HCN1: variants seen among roughly 807,000 people sequenced by gnomAD.
HCN1 encodes hyperpolarization activated cyclic nucleotide gated potassium channel 1.
In HCN1, 13 loss-of-function variants were observed where a neutral mutation model predicts 78.9. That is an observed-to-expected ratio of 0.16 (90% CI 0.11 to 0.26). The LOEUF (loss-of-function observed/expected upper bound fraction) is 0.26, where lower values mean the gene tolerates loss of function less well. HCN1 is among the 10% of genes least tolerant of loss of function. The pLI, the probability that HCN1 is intolerant of heterozygous loss-of-function variation, is 1.00. For synonymous variants in HCN1, 552 were observed against 455.5 expected (o/e 1.21, Z -2.70); for missense variants, 810 against 1,154.3 (o/e 0.70, Z 4.32).
chr5:45,485,134 G>A (rs1258890082), intron 2 of HCN1, among the ~76,000 whole-genome samples: 1 of 152,156 alleles, frequency 6.6e-6, no homozygotes, highest in East Asian at 1.9e-4. Flanking sequence ...ATTTGCTAAT[G>A]GGGGCGGAAA....
intron 3 of HCN1, among the ~76,000 whole-genome samples, chr5:45,433,708 T>A (rs1163851410): frequency 6.6e-6 from 1 of 152,180 alleles, no homozygotes; most frequent in Non-Finnish European, 1.5e-5. Flanking sequence ...AATATGCAAT[T>A]TTTATGTGTT....
At chr5:45,504,913 T>G (rs946758553) in intron 2 of HCN1, among the ~76,000 whole-genome samples, 3 of 152,236 alleles carry the variant, frequency 2.0e-5, no homozygotes, top group African/African-American at 7.2e-5. Flanking sequence ...GAGAAGTGTC[T>G]GTTCATATCC....
chr5:45,572,473 A>C (rs1326927907), intron 2 of HCN1, among the ~76,000 whole-genome samples: 1 of 152,184 alleles, frequency 6.6e-6, no homozygotes, highest in Non-Finnish European at 1.5e-5. Flanking sequence ...GGATTCACAC[A>C]CTTGGAAAAT....
intron 2 of HCN1, among the ~76,000 whole-genome samples, chr5:45,572,255 A>G (rs1561205626): frequency 6.6e-6 from 1 of 152,328 alleles, no homozygotes; most frequent in East Asian, 1.9e-4. Flanking sequence ...AACCCTGAGG[A>G]ATGAAATATC....
chr5:45,434,803 T>C (rs1010851562), intron 3 of HCN1, among the ~76,000 whole-genome samples: 3 of 152,144 alleles, frequency 2.0e-5, no homozygotes, highest in African/African-American at 7.2e-5. Context: ...CATCATTGGG[T>C]CTTTTAAAAC....
intron 6 of HCN1, among the ~76,000 whole-genome samples, chr5:45,302,277 A>AAGTGGT (rs3028859): frequency 6.6e-6 from 1 of 151,226 alleles, no homozygotes; most frequent in Non-Finnish European, 1.5e-5. Context: ...CTGATGGTTT[A>AAGTGGT]AGTTTCCCCT....
intron 5 of HCN1, among the ~76,000 whole-genome samples, chr5:45,352,091 G>C (rs547311296): frequency 6.6e-6 from 1 of 152,116 alleles, no homozygotes; most frequent in African/African-American, 2.4e-5. Flanking sequence ...GTTTATTGCG[G>C]CACTATTCCC....
chr5:45,363,738 T>C (rs998983570), intron 4 of HCN1, among the ~76,000 whole-genome samples: 5 of 152,048 alleles, frequency 3.3e-5, no homozygotes, highest in African/African-American at 1.2e-4. Context: ...TTACGAGATC[T>C]GACGGGTTTA....
intron 1 of HCN1, among the ~76,000 whole-genome samples, chr5:45,659,241 G>A (rs1285620578): frequency 1.4e-5 from 2 of 140,548 alleles, no homozygotes; most frequent in Non-Finnish European, 3.1e-5. Context: ...GCAGCTGAGG[G>A]TCCTGTCTGT....
chr5:45,381,549 TCAC>T (rs1351241462), intron 4 of HCN1, among the ~76,000 whole-genome samples: 1 of 152,154 alleles, frequency 6.6e-6, no homozygotes, highest in Non-Finnish European at 1.5e-5. Flanking sequence ...CCCTTACTCC[TCAC>T]ATGGTCAGCT....
intron 3 of HCN1, among the ~76,000 whole-genome samples, chr5:45,429,814 T>C (rs769316407): frequency 6.6e-6 from 1 of 152,088 alleles, no homozygotes; most frequent in Non-Finnish European, 1.5e-5. Context: ...GAAGTAGTAG[T>C]GGACACACTG....
intron 2 of HCN1, among the ~76,000 whole-genome samples, chr5:45,603,801 T>C (rs1405614654): frequency 6.6e-6 from 1 of 152,116 alleles, no homozygotes; most frequent in African/African-American, 2.4e-5. Context: ...ACTAATTGTA[T>C]GATAAAATTT....
chr5:45,310,041 A>T (rs1745819898), intron 5 of HCN1, among the ~76,000 whole-genome samples: 1 of 151,660 alleles, frequency 6.6e-6, no homozygotes, highest in Non-Finnish European at 1.5e-5. Flanking sequence ...CTCAAGACTA[A>T]ATGTAAAACC....
chr5:45,607,555 A>G (rs550447496), intron 2 of HCN1, among the ~76,000 whole-genome samples: 351 of 149,524 alleles, frequency 2.3e-3, no homozygotes, highest in African/African-American at 8.1e-3. Context: ...ATATTGGGAT[A>G]TAGACAAATA....
At chr5:45,543,019 C>T (rs959391771) in intron 2 of HCN1, among the ~76,000 whole-genome samples, 1 of 152,088 alleles carries the variant, frequency 6.6e-6, no homozygotes, top group Non-Finnish European at 1.5e-5. Flanking sequence ...GCTATGATTA[C>T]ATTTTGAATA....
intron 2 of HCN1, among the ~76,000 whole-genome samples, chr5:45,587,556 G>A (rs1302412272): frequency 2.7e-5 from 4 of 148,948 alleles, no homozygotes; most frequent in African/African-American, 9.9e-5. Context: ...TTGTGGGGTA[G>A]GGGGAGGGGG....
chr5:45,398,978 A>G (rs755591123), intron 3 of HCN1, among the ~76,000 whole-genome samples: 14 of 152,174 alleles, frequency 9.2e-5, no homozygotes, highest in Non-Finnish European at 1.5e-4. Flanking sequence ...GTAATAATTT[A>G]TTTACAAAGT....
intron 5 of HCN1, among the ~76,000 whole-genome samples, chr5:45,347,351 C>G (rs1029575294): frequency 3.3e-5 from 5 of 152,094 alleles, no homozygotes; most frequent in Admixed American, 3.3e-4. Flanking sequence ...GACATCCACA[C>G]CAAAAACCCA....
intron 1 of HCN1, among the ~76,000 whole-genome samples, chr5:45,661,397 A>T (rs1745933602): frequency 6.6e-6 from 1 of 150,872 alleles, no homozygotes; most frequent in Non-Finnish European, 1.5e-5. Flanking sequence ...TAAAAGAACT[A>T]GAAAAGCAAG....
Sources: allele counts gnomAD v4.1 joint callset (sites outside exome capture counted in the v4.1 genomes callset), GRCh38; gene constraint gnomAD v4.1.1; transcripts MANE v1.5; gene names NCBI Gene and HGNC (gene_info 2026-07-23, HGNC 2026-07-21).